TRIM4: variants seen among roughly 807,000 people sequenced by gnomAD.
TRIM4 encodes the protein tripartite motif containing 4.
Under a neutral mutation model 33.7 loss-of-function variants are expected in TRIM4, and 29 were observed. That is an observed-to-expected ratio of 0.86 (90% confidence interval 0.64 to 1.17). TRIM4 has a LOEUF of 1.17. TRIM4 is among the 50% of genes most tolerant of loss of function. The probability of loss-of-function intolerance (pLI) is 0.00; values close to 1 mark genes in which losing one functional copy is unlikely to be tolerated. For missense variants in TRIM4, 554 were observed against 593.7 expected, an observed-to-expected ratio of 0.93 and a Z score of 0.69; for synonymous variants, 224 against 233.0, an observed-to-expected ratio of 0.96 and a Z score of 0.35.
chr7:99,906,508 T>C (rs1399232659), intron 3 of TRIM4, among the ~76,000 whole-genome samples: 2 of 152,200 alleles, frequency 1.3e-5, no homozygotes, highest in Non-Finnish European at 2.9e-5. Flanking sequence ...TGTGTTTTAA[T>C]GTTTATTTTA....
chr7:99,919,410 C>A lies in TRIM4; in HGVS notation c.-9G>T, dbSNP rs1196454807. 2 of 1,528,232 alleles carry A rather than the reference C, an allele frequency of 1.3e-6. No individual in the cohort carries two copies. Among genetic ancestry groups the A allele is most frequent in the East Asian group, 5.3e-5 (2 of 37,680 alleles). The allele number at this position is 1,528,232 out of a possible 1,614,324, so 94.7% of individuals were successfully genotyped here. ...ATGTCCTCAGCTTCCATGCTGCTTC[C>A]CTGCCGCGGAGACGGAGTCCGACGT... On this transcript the variant is annotated 5_prime_UTR_variant, in exon 1 of 6. Coordinates refer to ENST00000349062, the MANE Select transcript of TRIM4 (RefSeq NM_033091.3).
intron 5 of TRIM4, among the ~76,000 whole-genome samples, chr7:99,897,137 G>A (rs1406988602): frequency 1.3e-5 from 2 of 152,206 alleles, no homozygotes; most frequent in African/African-American, 4.8e-5. Flanking sequence ...TAAGTCCTGG[G>A]ACCCCGTGAA....
At position 99,919,403 on chromosome 7, in the gene TRIM4, C is replaced by A. The variant is rs925298865; in HGVS notation, c.-2G>T. 1.3e-6 allele frequency: 2 copies of A among 1,536,856 alleles called. No homozygotes were observed. The highest frequency in any genetic ancestry group is 2.6e-5 in the East Asian group (1 of 37,962). On this transcript the variant is annotated 5_prime_UTR_variant, in exon 1 of 6. Transcript: ENST00000349062. ...CTCCTGGATGTCCTCAGCTTCCATG[C>A]TGCTTCCCTGCCGCGGAGACGGAGT... is the stretch of plus-strand genomic sequence containing the variant.
At chr7:99,899,169 A>G (rs1346038230) in intron 5 of TRIM4, among the ~76,000 whole-genome samples, 1 of 152,174 alleles carries the variant, frequency 6.6e-6, no homozygotes, top group African/African-American at 2.4e-5. Context: ...GTTCTGAGCT[A>G]AAGAATCCAG....
rs1295784657 is a variant in TRIM4, at chr7:99,892,121, C to T, written c.*42G>A. ...GGGCCCAGGGATGTGTGTCCCTCAG[C>T]TGGACTACAGGGAAGGAGTTTTGGT... On this transcript the variant is annotated 3_prime_UTR_variant, in exon 6 of 6. Transcript: ENST00000349062. 6.6e-7 allele frequency: 1 copy of T among 1,517,642 alleles called. No individual in the cohort carries two copies. The highest frequency in any genetic ancestry group is 8.9e-7 in the Non-Finnish European group (1 of 1,123,042). The allele number at this position is 1,517,642 out of a possible 1,614,324, so 94.0% of individuals were successfully genotyped here.
intron 5 of TRIM4, among the ~76,000 whole-genome samples, chr7:99,898,527 A>G (rs1266064581): frequency 1.3e-5 from 2 of 152,196 alleles, no homozygotes; most frequent in Non-Finnish European, 2.9e-5. Flanking sequence ...GGGCTGGTAG[A>G]TGCACCTGGG....
intron 1 of TRIM4, chr7:99,916,720 C>T (rs1171623481): frequency 5.1e-6 from 4 of 781,034 alleles, no homozygotes; most frequent in Non-Finnish European, 7.2e-6. Context: ...TAAAATGGTA[C>T]AAGAGCAGCC....
intron 1 of TRIM4, among the ~76,000 whole-genome samples, chr7:99,917,517 C>T (rs113894613): frequency 7.9e-5 from 12 of 152,232 alleles, no homozygotes; most frequent in African/African-American, 2.6e-4. Context: ...GTCAGGAGTT[C>T]GAGACCAGCC....
At chr7:99,902,088 C>T (rs750249744) in intron 5 of TRIM4, 7 of 764,868 alleles carry the variant, frequency 9.2e-6, no homozygotes, top group Admixed American at 5.1e-5. Flanking sequence ...CAGGAATCAC[C>T]GTCCTTCACT....
Position 99,892,016 on chromosome 7 carries a change from C to T in TRIM4, c.*147G>A. On this transcript the variant is annotated 3_prime_UTR_variant, in exon 6 of 6. Coordinates refer to ENST00000349062, the MANE Select transcript of TRIM4 (RefSeq NM_033091.3). ...ATGGGACTGCCTCTTGTGAAGCACA[C>T]AAAGGGCAGATACCAAACGGTACCG... The T allele has an allele frequency of 1.4e-6, 1 of 722,238 alleles. No individual in the cohort carries two copies. The highest frequency in any genetic ancestry group is 2.2e-6 in the Non-Finnish European group (1 of 455,576). The allele number at this position is 722,238 out of a possible 1,614,324, so 44.7% of individuals were successfully genotyped here. A position where few individuals can be genotyped will look rare whatever the true frequency, so the allele number is the denominator to read the frequency against.
chr7:99,903,217 C>A lies in TRIM4; in HGVS notation c.841+1G>T. ...CCCCAAGTCCTAGAAATTCTGCTCA[C>A]CTTGGAATCGCTTTAGCATTTCCTT... On this transcript the variant is annotated splice_donor_variant, in intron 5 of 5. Transcript: ENST00000349062. LOFTEE classifies it high-confidence loss of function. 6.2e-7 allele frequency: 1 copy of A among 1,608,388 alleles called. No individual in the cohort carries two copies. Among genetic ancestry groups the A allele is most frequent in the South Asian group, 1.1e-5 (1 of 90,428 alleles).
intron 3 of TRIM4, among the ~76,000 whole-genome samples, chr7:99,907,008 C>G (rs1819321244): frequency 6.6e-6 from 1 of 152,032 alleles, no homozygotes; most frequent in Non-Finnish European, 1.5e-5. Flanking sequence ...AGAAGTGGGT[C>G]ATGGGGTAAA....
intron 2 of TRIM4, 68 bp downstream of exon 2, chr7:99,909,497 G>A: frequency 1.4e-6 from 2 of 1,422,416 alleles, no homozygotes; most frequent in South Asian, 2.4e-5. Flanking sequence ...AAGGACCTCA[G>A]AAGCAAGAAA....
intron 5 of TRIM4, among the ~76,000 whole-genome samples, chr7:99,900,286 T>G (rs947969118): frequency 6.6e-6 from 1 of 152,146 alleles, no homozygotes; most frequent in African/African-American, 2.4e-5. Flanking sequence ...TCAAGCCTTT[T>G]TTTTCTATTC....
At chr7:99,903,088 C>T (rs1243968311) in intron 5 of TRIM4, 130 bp downstream of exon 5, 1 of 675,490 alleles carries the variant, frequency 1.5e-6, no homozygotes, top group Non-Finnish European at 2.5e-6. Context: ...AGTGTATACC[C>T]ATTTATTAAC....
intron 5 of TRIM4, among the ~76,000 whole-genome samples, chr7:99,893,517 T>A (rs966640008): frequency 2.0e-5 from 3 of 152,206 alleles, no homozygotes; most frequent in African/African-American, 7.2e-5. Context: ...CCACAGATCA[T>A]TCAAAACTGA....
At chr7:99,894,525 G>A (rs1554451184) in intron 5 of TRIM4, among the ~76,000 whole-genome samples, 1 of 152,008 alleles carries the variant, frequency 6.6e-6, no homozygotes, top group Non-Finnish European at 1.5e-5. Context: ...AAATTAGCCA[G>A]GCATGGTGGC....
chr7:99,910,962 G>T lies in TRIM4; in HGVS notation c.394-1302C>A, dbSNP rs1190026876. On this transcript the variant is annotated intron_variant, in intron 1 of 5. Coordinates refer to ENST00000349062, the MANE Select transcript of TRIM4 (RefSeq NM_033091.3). ...AGGGTCCAGATTTAGCCCCTCAGTT[G>T]TGGTTTAAGTAACTGGATGGACTGC... Among the ~76,000 whole-genome samples, 5 of 152,314 alleles carry T rather than the reference G, an allele frequency of 3.3e-5. No individual in the cohort carries two copies. The East Asian group carries it at 9.6e-4, about 29-fold the overall frequency.
intron 5 of TRIM4, chr7:99,901,867 T>C (rs536563569): frequency 2.0e-6 from 1 of 508,874 alleles, no homozygotes; most frequent in Admixed American, 3.6e-5. Flanking sequence ...TGGCGAGGGT[T>C]CTCTCTGTGT....
Sources: allele counts gnomAD v4.1 joint callset (sites outside exome capture counted in the v4.1 genomes callset), GRCh38; gene constraint gnomAD v4.1.1; transcripts MANE v1.5; gene names NCBI Gene and HGNC (gene_info 2026-07-23, HGNC 2026-07-21).